The following UGT1A5 variants were observed in gnomAD, a reference collection of about 807,000 sequenced individuals.
UGT1A5 encodes UDP-glucuronosyltransferase 1A5.
UGT1A5 carries 29 observed loss-of-function variants against 40.3 expected under a neutral mutation model. The ratio of observed to expected loss-of-function variants is 0.72; its 90% CI spans 0.54 to 0.98. The LOEUF (loss-of-function observed/expected upper bound fraction) is 0.98. UGT1A5 is among the 50% of genes least tolerant of loss of function. The probability of loss-of-function intolerance (pLI) is 0.00; values close to 1 mark genes in which losing one functional copy is unlikely to be tolerated. For missense variants in UGT1A5, 678 were observed against 677.9 expected (o/e 1.00, Z 0.00); for synonymous variants, 257 against 262.5 (o/e 0.98, Z 0.20).
At position 233,713,711 on chromosome 2, in the gene UGT1A5, G is replaced by C; in HGVS notation, c.720G>C (p.Gln240His). 1.7e-5 allele frequency: 27 copies of C among 1,613,928 alleles called. No individual in the cohort carries two copies. Among genetic ancestry groups the C allele is most frequent in the Non-Finnish European group, 2.3e-5 (27 of 1,179,878 alleles). ...PYASLASELF[Q>H]REVSVVDLVS... ...CAAGCCTTGCCTCTGAGCTTTTTCAGAGAGAGGTGTCAGTGGTGGATCTTG... is the reference window on the plus strand; with the variant it reads ...CAAGCCTTGCCTCTGAGCTTTTTCACAGAGAGGTGTCAGTGGTGGATCTTG... The change falls in exon 1 of 5, where the codon CAG (glutamine) becomes CAC (histidine). Residue 240 changes from glutamine (Q) to histidine (H), a missense_variant. Physicochemically the swap from Gln to His is conservative, Grantham distance 24. Coordinates refer to ENST00000373414, the MANE Select transcript of UGT1A5 (RefSeq NM_019078.2).
chr2:233,746,509 A>C (rs1693414450), intron 1 of UGT1A5, among the ~76,000 whole-genome samples: 1 of 151,796 alleles, frequency 6.6e-6, no homozygotes, highest in Admixed American at 6.5e-5. Flanking sequence ...AGTAGCCCCC[A>C]AAGCAAGACC....
chr2:233,735,838 C>T (rs1278519081), intron 1 of UGT1A5, among the ~76,000 whole-genome samples: 2 of 152,038 alleles, frequency 1.3e-5, no homozygotes, highest in Non-Finnish European at 2.9e-5. Context: ...AATATTGGCC[C>T]CCACTCTCTT....
intron 1 of UGT1A5, among the ~76,000 whole-genome samples, chr2:233,751,728 CCT>C (rs1694798514): frequency 6.6e-6 from 1 of 152,164 alleles, no homozygotes; most frequent in Non-Finnish European, 1.5e-5. Flanking sequence ...GTGAACTCTT[CCT>C]CTCTGTTTCT....
intron 1 of UGT1A5, among the ~76,000 whole-genome samples, chr2:233,751,264 C>T (rs796592770): frequency 6.6e-6 from 1 of 151,872 alleles, no homozygotes; most frequent in East Asian, 1.9e-4. Context: ...CTGTAGCCCC[C>T]TTTTTTTGGC....
chr2:233,768,794 G>C (rs1447773393), intron 4 of UGT1A5, among the ~76,000 whole-genome samples: 4 of 151,952 alleles, frequency 2.6e-5, no homozygotes, highest in African/African-American at 7.2e-5. Flanking sequence ...ATGTTTGTCA[G>C]GCTGGTCTTG....
intron 1 of UGT1A5, chr2:233,753,700 T>A (rs1032888616): frequency 6.6e-6 from 1 of 152,228 alleles, no homozygotes; most frequent in African/African-American, 2.4e-5. Context: ...CAGATGCACT[T>A]GGCTTTCATC....
intron 1 of UGT1A5, among the ~76,000 whole-genome samples, chr2:233,759,538 A>T (rs1009544779): frequency 6.6e-6 from 1 of 152,036 alleles, no homozygotes. Context: ...TTCTGTTCAC[A>T]TGCGCTCCAG....
At position 233,768,158 on chromosome 2, in the gene UGT1A5, A is replaced by AGAACCTAGG. The variant is rs1559415093; in HGVS notation, c.1088-62_1088-61insGAACCTAGG. The AGAACCTAGG allele has an allele frequency of 1.9e-6, 3 of 1,613,074 alleles. No homozygotes were observed. In the African/African-American group the frequency reaches 4.0e-5, roughly 22 times the overall value. On this transcript the variant is annotated intron_variant, in intron 3 of 4. Transcript: ENST00000373414. ...TCTTTGGAGTGTTTTCAGAACCTAGATGTGTCCAGCTGTGAAACTCAGAGA... is the reference window on the plus strand; with the variant it reads ...TCTTTGGAGTGTTTTCAGAACCTAGAGAACCTAGGTGTGTCCAGCTGTGAAACTCAGAGA...
In UGT1A5 at chr2:233,743,176, T is replaced by C. The variant is rs28900375; in HGVS notation, c.868-23858T>C. 1,765 of 366,612 alleles carry C rather than the reference T, an allele frequency of 4.8e-3. 64 individuals are homozygous for C. The highest frequency in any genetic ancestry group is 0.035 in the African/African-American group (1,636 of 46,622). 22.7% of individuals were successfully genotyped at this position (366,612 alleles called of 1,614,324 possible). On this transcript the variant is annotated intron_variant, in intron 1 of 4. Coordinates refer to ENST00000373414, the MANE Select transcript of UGT1A5 (RefSeq NM_019078.2). The stretch of plus-strand genomic sequence containing the variant: ...TCCTCCAGATGTGCTTAAAGTCAAA[T>C]GTGGACTGGAATTACTTGGTGTCAA...
At chr2:233,753,617 T>A (rs7608038) in intron 1 of UGT1A5, 1 of 152,200 alleles carries the variant, frequency 6.6e-6, no homozygotes, top group African/African-American at 2.4e-5. Flanking sequence ...AGGTCTTCAT[T>A]TGGGGCATAA....
chr2:233,769,069 T>C lies in UGT1A5; in HGVS notation c.1307+630T>C, dbSNP rs1362327235. On this transcript the variant is annotated intron_variant, in intron 4 of 4. Transcript: ENST00000373414. The surrounding 1 kb of genome is among the most constrained non-coding windows in gnomAD (Gnocchi z 4.4). ...CATAAGTTTCCTGCACAGAAAGAAA[T>C]ACTCCATTATAAGAAGCATAGTATC... is the stretch of plus-strand genomic sequence containing the variant. 1.3e-5 allele frequency among the ~76,000 whole-genome samples: 2 copies of C among 152,194 alleles called. No individual in the cohort carries two copies. Among genetic ancestry groups the C allele is most frequent in the Admixed American group, 6.5e-5 (1 of 15,280 alleles).
rs62191902 is a variant in UGT1A5, at chr2:233,724,813, C to G, written c.867+10955C>G. On this transcript the variant is annotated intron_variant, in intron 1 of 4. Coordinates refer to ENST00000373414, the MANE Select transcript of UGT1A5 (RefSeq NM_019078.2). ...AGACGGGGTGGCGGCCGGGCAGAGG[C>G]TGCAATCTCGGCACTTTGGGAGGCC... Among the ~76,000 whole-genome samples, 218 of 137,754 alleles carry G rather than the reference C, an allele frequency of 1.6e-3. 8 individuals carry two copies. The highest frequency in any genetic ancestry group is 2.4e-3 in the Non-Finnish European group (154 of 64,732). 90.4% of individuals were successfully genotyped at this position (137,754 alleles called of 152,430 possible).
intron 1 of UGT1A5, chr2:233,752,385 C>T (rs1023364078): frequency 4.6e-5 from 7 of 152,142 alleles, no homozygotes. Context: ...ATCTTTGCAA[C>T]AGAGGAAATG....
At chr2:233,716,242 C>G (rs116835228) in intron 1 of UGT1A5, among the ~76,000 whole-genome samples, 2 of 152,158 alleles carry the variant, frequency 1.3e-5, no homozygotes, top group Non-Finnish European at 2.9e-5. Flanking sequence ...TTGTCCTGCC[C>G]GGACATCCAG....
intron 1 of UGT1A5, among the ~76,000 whole-genome samples, chr2:233,728,656 G>A (rs187762667): frequency 2.0e-5 from 3 of 152,180 alleles, no homozygotes; most frequent in African/African-American, 4.8e-5. Flanking sequence ...TTTTGGATGC[G>A]CTGCGTTACT....
intron 1 of UGT1A5, among the ~76,000 whole-genome samples, chr2:233,766,438 G>A (rs1233276669): frequency 2.6e-5 from 4 of 152,194 alleles, no homozygotes; most frequent in Non-Finnish European, 5.9e-5. Flanking sequence ...AGCTACCTGT[G>A]TGTCTGCCTG....
chr2:233,750,746 T>G (rs1207151817), intron 1 of UGT1A5: 2 of 151,906 alleles, frequency 1.3e-5, no homozygotes, highest in Admixed American at 1.3e-4. Context: ...ACCTCAAGCC[T>G]TGGCAGCATC....
At chr2:233,730,078 T>C (rs1454977100) in intron 1 of UGT1A5, 3 of 1,605,302 alleles carry the variant, frequency 1.9e-6, no homozygotes, top group East Asian at 2.3e-5. Flanking sequence ...GCTTCCATAT[T>C]TACTTATCTT....
chr2:233,730,068 G>T (rs1197768852), intron 1 of UGT1A5: 3 of 1,610,044 alleles, frequency 1.9e-6, no homozygotes, highest in African/African-American at 1.3e-5. Flanking sequence ...ATTTAAAATT[G>T]CTTCCATATT....
Sources: allele counts gnomAD v4.1 joint callset (sites outside exome capture counted in the v4.1 genomes callset), GRCh38; gene constraint gnomAD v4.1.1; non-coding constraint Gnocchi (gnomAD v3.1); transcripts MANE v1.5; gene names NCBI Gene and HGNC (gene_info 2026-07-23, HGNC 2026-07-21).